Variants in NPNT observed in about 807,000 individuals in gnomAD.
NPNT encodes preosteoblast EGF-like repeat protein with MAM domain.
In NPNT, 45 loss-of-function variants were observed where a neutral mutation model predicts 68.6. That is an observed-to-expected ratio of 0.66 (90% CI 0.52 to 0.84). The LOEUF (loss-of-function observed/expected upper bound fraction) is 0.84. Ranked by LOEUF, NPNT falls within the 40% of genes least tolerant of loss-of-function variation. The probability of loss-of-function intolerance (pLI) is 0.00; values close to 1 mark genes in which losing one functional copy is unlikely to be tolerated. For missense variants in NPNT, 672 were observed against 714.8 expected (o/e 0.94, Z 0.68); for synonymous variants, 233 against 253.3 (o/e 0.92, Z 0.76).
intron 3 of NPNT, chr4:105,932,811 T>G: frequency 2.7e-6 from 2 of 732,824 alleles, no homozygotes; most frequent in Non-Finnish European, 4.5e-6. Flanking sequence ...GTGTCCAGCC[T>G]TCAGCCCTGA....
chr4:105,956,405 G>A (rs2149397702), intron 8 of NPNT, among the ~76,000 whole-genome samples: 1 of 152,046 alleles, frequency 6.6e-6, no homozygotes, highest in South Asian at 2.1e-4. Flanking sequence ...TTATAAAACA[G>A]GCTCCCGGTG....
chr4:105,967,621 T>G (rs545156134), intron 11 of NPNT, among the ~76,000 whole-genome samples, 177 bp downstream of exon 11: 13 of 152,128 alleles, frequency 8.5e-5, no homozygotes, highest in African/African-American at 3.1e-4. Flanking sequence ...TTTCTGCTTC[T>G]TCATCCTTCT....
intron 8 of NPNT, among the ~76,000 whole-genome samples, chr4:105,951,683 A>G (rs932351118): frequency 5.9e-5 from 9 of 152,212 alleles, no homozygotes; most frequent in African/African-American, 2.2e-4. Context: ...CTCACAGGTT[A>G]GGATCTGCTG....
chr4:105,898,347 TC>T (rs1275329235), intron 2 of NPNT, among the ~76,000 whole-genome samples: 12 of 141,926 alleles, frequency 8.5e-5, no homozygotes, highest in African/African-American at 2.8e-4. Context: ...TCTCTCTCTC[TC>T]TCTCTCTCTC....
chr4:105,909,696 G>C (rs1232821398), intron 2 of NPNT, among the ~76,000 whole-genome samples: 1 of 152,134 alleles, frequency 6.6e-6, no homozygotes, highest in Admixed American at 6.6e-5. Context: ...TAATATCACT[G>C]TTTTTGACAA....
chr4:105,966,718 C>G (rs1025820346), intron 10 of NPNT, among the ~76,000 whole-genome samples: 6 of 151,414 alleles, frequency 4.0e-5, no homozygotes, highest in Non-Finnish European at 8.8e-5. Context: ...GATATAGGGC[C>G]CTTTAAATCA....
chr4:105,955,141 G>A (rs1361593303), intron 8 of NPNT, among the ~76,000 whole-genome samples: 1 of 152,084 alleles, frequency 6.6e-6, no homozygotes, highest in Non-Finnish European at 1.5e-5. Context: ...AGAATTAATG[G>A]TTCAACTGCA....
At position 105,942,300 on chromosome 4, in the gene NPNT, C is replaced by T. The variant is rs1165089089; in HGVS notation, c.764-7C>T. 1.3e-6 allele frequency: 2 copies of T among 1,580,356 alleles called. No individual in the cohort carries two copies. The highest frequency in any genetic ancestry group is 2.7e-5 in the African/African-American group (2 of 74,204). On this transcript the variant is annotated splice_polypyrimidine_tract_variant and splice_region_variant and intron_variant, in intron 7 of 11. Coordinates refer to ENST00000379987, the MANE Select transcript of NPNT (RefSeq NM_001033047.3). ...TACATACTGATTTAAGTCTTTGACT[C>T]TTTCAGATATCCCAAAAGTTATGAT... is the stretch of plus-strand genomic sequence containing the variant.
intron 2 of NPNT, among the ~76,000 whole-genome samples, chr4:105,914,827 A>G (rs889980579): frequency 6.6e-6 from 1 of 152,084 alleles, no homozygotes; most frequent in Non-Finnish European, 1.5e-5. Flanking sequence ...GAGAACTGTT[A>G]AGAATCTCAA....
chr4:105,913,584 A>G (rs1225435073), intron 2 of NPNT, among the ~76,000 whole-genome samples: 1 of 152,192 alleles, frequency 6.6e-6, no homozygotes, highest in African/African-American at 2.4e-5. Context: ...GATGTTTGCT[A>G]TTATTAGTGT....
At chr4:105,932,802 T>C in intron 3 of NPNT, 1 of 802,146 alleles carries the variant, frequency 1.2e-6, no homozygotes, top group Non-Finnish European at 2.0e-6. Context: ...AGCCCAGGAG[T>C]GTCCAGCCTT....
At position 105,935,442 on chromosome 4, in the gene NPNT, A is replaced by G. The variant is rs542306485; in HGVS notation, c.266-1567A>G. Among the ~76,000 whole-genome samples the G allele has an allele frequency of 1.4e-3, 208 of 152,318 alleles. 1 individual carries two copies. Among genetic ancestry groups the G allele is most frequent in the Non-Finnish European group, 2.5e-3 (167 of 68,030 alleles). On this transcript the variant is annotated intron_variant, in intron 3 of 11. Coordinates refer to ENST00000379987, the MANE Select transcript of NPNT (RefSeq NM_001033047.3). ...TCATTTTTAGTAAATTCTGAAATAC[A>G]AAGTAGAAGAATATGGGAAGGGTAG...
chr4:105,939,925 A>G, intron 5 of NPNT, 150 bp from the exon 6 acceptor site: 1 of 626,484 alleles, frequency 1.6e-6, no homozygotes, highest in Non-Finnish European at 2.8e-6. Context: ...TGTGGAATTT[A>G]TGTTGCCTGT....
At chr4:105,917,122 G>A (rs538237804) in intron 2 of NPNT, among the ~76,000 whole-genome samples, 6 of 152,282 alleles carry the variant, frequency 3.9e-5, no homozygotes, top group Non-Finnish European at 7.4e-5. Flanking sequence ...TCACAATTAT[G>A]GGTAGAATCT....
At chr4:105,958,933 A>G (rs1731460632) in intron 9 of NPNT, 95 bp from the exon 10 acceptor site, 2 of 774,674 alleles carry the variant, frequency 2.6e-6, no homozygotes, top group African/African-American at 3.4e-5. Flanking sequence ...GATAGGAGAG[A>G]ACACTTGTTG....
intron 8 of NPNT, among the ~76,000 whole-genome samples, chr4:105,957,585 C>G (rs1338897622): frequency 6.6e-6 from 1 of 152,110 alleles, no homozygotes; most frequent in African/African-American, 2.4e-5. Flanking sequence ...CCTGGAAATG[C>G]CACCCAAATA....
chr4:105,960,770 G>T (rs1731661970), intron 10 of NPNT, among the ~76,000 whole-genome samples: 1 of 151,924 alleles, frequency 6.6e-6, no homozygotes, highest in Non-Finnish European at 1.5e-5. Flanking sequence ...ACGTGTGTGT[G>T]TGTGTGTGTG....
chr4:105,925,066 A>G (rs1728583250), intron 2 of NPNT, among the ~76,000 whole-genome samples: 1 of 152,104 alleles, frequency 6.6e-6, no homozygotes, highest in Non-Finnish European at 1.5e-5. Flanking sequence ...TCTTGGTGAT[A>G]GGGCCTAGAA....
Position 105,959,117 on chromosome 4 carries a change from G to T in NPNT, c.1336G>T (p.Asp446Tyr). ...TGACTTGCACTGGGAACCAATCAGG[G>T]ACCCAGCAGGTAAAACCATTTCATT... ...DNDLHWEPIR[D>Y]PAGGQYLTVS... Residue 446 changes from aspartate (D) to tyrosine (Y), a missense_variant, in exon 10 of 12, where the codon GAC becomes TAC. By Grantham distance (160) the Asp-to-Tyr change is radical. Transcript: ENST00000379987. 6.2e-7 allele frequency: 1 copy of T among 1,606,644 alleles called. No individual in the cohort carries two copies. Among genetic ancestry groups the T allele is most frequent in the South Asian group, 1.1e-5 (1 of 90,934 alleles).
Sources: allele counts gnomAD v4.1 joint callset (sites outside exome capture counted in the v4.1 genomes callset), GRCh38; gene constraint gnomAD v4.1.1; transcripts MANE v1.5; gene names NCBI Gene and HGNC (gene_info 2026-07-23, HGNC 2026-07-21).